ERBB2: variants seen among roughly 807,000 people sequenced by gnomAD.
ERBB2 encodes the protein erb-b2 receptor tyrosine kinase 2, also known as receptor tyrosine-protein kinase erbB-2.
A neutral mutation model predicts 149.0 loss-of-function variants in ERBB2; 61 were observed. That is an observed-to-expected ratio of 0.41 (90% CI 0.33 to 0.51). ERBB2 has a LOEUF of 0.51. Among genes scored for constraint, ERBB2 ranks in the 20% least tolerant of loss-of-function variants. ERBB2 has a pLI of 0.25. For missense variants in ERBB2, 1,205 were observed against 1,655.1 expected (o/e 0.73, Z 4.72); for synonymous variants, 633 against 678.8 (o/e 0.93, Z 1.05).
chr17:39,705,514 C>T (rs2058373278), intron 1 of ERBB2, among the ~76,000 whole-genome samples: 1 of 152,148 alleles, frequency 6.6e-6, no homozygotes, highest in Admixed American at 6.5e-5. Flanking sequence ...AGTGGGGAGG[C>T]CTCCCTCAGG....
At chr17:39,716,795 A>G (rs1398924357) in intron 14 of ERBB2, among the ~76,000 whole-genome samples, 190 bp downstream of exon 14, 2 of 152,108 alleles carry the variant, frequency 1.3e-5, no homozygotes, top group African/African-American at 4.8e-5. Context: ...GGCCCTTCAG[A>G]CTATGAAAAG....
chr17:39,695,336 G>T (rs1321947140), upstream of ERBB2, among the ~76,000 whole-genome samples: 2 of 152,172 alleles, frequency 1.3e-5, no homozygotes, highest in Non-Finnish European at 2.9e-5. Flanking sequence ...CCCCTTTGCT[G>T]TCCTGGAGAC....
At chr17:39,717,837 G>A (rs1326471856) in intron 15 of ERBB2, among the ~76,000 whole-genome samples, 5 of 149,410 alleles carry the variant, frequency 3.3e-5, no homozygotes, top group African/African-American at 1.0e-4. Flanking sequence ...ATTTTTAGAC[G>A]GAGTTTCACT....
chr17:39,723,865 G>A lies in ERBB2; in HGVS notation c.2209-47G>A, dbSNP rs376191799. On this transcript the variant is annotated intron_variant, in intron 18 of 26. Transcript: ENST00000269571. This position sits in a 1 kb window ranked among gnomAD's most constrained non-coding sequence, Gnocchi z 6.2. Reference sequence around the variant, plus strand: ...TAATGATCTCCTGGAAGGCAGGTAGGATCCAGCCCACGCTCTTCTCACTCA... The same window carrying A: ...TAATGATCTCCTGGAAGGCAGGTAGAATCCAGCCCACGCTCTTCTCACTCA... The A allele has an allele frequency of 1.4e-4, 219 of 1,549,656 alleles. 1 individual carries two copies. The highest frequency in any genetic ancestry group is 1.9e-4 in the Non-Finnish European group (212 of 1,122,632).
At chr17:39,709,741 T>A (rs1567899596) in intron 4 of ERBB2, 72 bp from the exon 5 acceptor site, 1 of 1,441,580 alleles carries the variant, frequency 6.9e-7, no homozygotes, top group Non-Finnish European at 9.7e-7. Context: ...TGTTTGTGCC[T>A]CTCTCTGTTA....
chr17:39,717,652 C>G (rs746198779), intron 15 of ERBB2, 172 bp downstream of exon 15: 1 of 561,640 alleles, frequency 1.8e-6, no homozygotes, highest in Non-Finnish European at 3.0e-6. Flanking sequence ...AATTAATGCC[C>G]TAGCAGTTCT....
upstream of ERBB2, among the ~76,000 whole-genome samples, chr17:39,697,349 G>GTTTTTTTTTTTT (rs1452125824): frequency 6.0e-5 from 8 of 132,322 alleles, no homozygotes; most frequent in East Asian, 4.3e-4. Context: ...TTGTTTTTTT[G>GTTTTTTTTTTTT]TTTTGTTTTT....
chr17:39,690,960 C>T (rs1327252240), upstream of ERBB2, among the ~76,000 whole-genome samples: 1 of 151,214 alleles, frequency 6.6e-6, no homozygotes, highest in East Asian at 2.0e-4. Context: ...TCGAGACCAG[C>T]CTGACCTAAC....
At chr17:39,690,041 T>G (rs1032399905), upstream of ERBB2, among the ~76,000 whole-genome samples, 6 of 152,190 alleles carry the variant, frequency 3.9e-5, no homozygotes, top group African/African-American at 1.4e-4. Flanking sequence ...TCAATCTAAT[T>G]GCTGTTAATA....
chr17:39,717,616 A>C, intron 15 of ERBB2, 136 bp downstream of exon 15: 1 of 679,582 alleles, frequency 1.5e-6, no homozygotes. Flanking sequence ...CATTGTTAAA[A>C]TTGTAAAATT....
At chr17:39,691,553 A>AT (rs2057696992), upstream of ERBB2, among the ~76,000 whole-genome samples, 1 of 123,218 alleles carries the variant, frequency 8.1e-6, no homozygotes, top group Non-Finnish European at 1.6e-5. Context: ...CATTAAAAAA[A>AT]AAAATATATA....
upstream of ERBB2, among the ~76,000 whole-genome samples, chr17:39,691,934 C>CATGTACATAT (rs2057718951): frequency 8.3e-6 from 1 of 120,884 alleles, no homozygotes; most frequent in African/African-American, 3.6e-5. Flanking sequence ...TATACATATA[C>CATGTACATAT]ATATATATAT....
chr17:39,692,238 T>C (rs1045941337), upstream of ERBB2, among the ~76,000 whole-genome samples: 2 of 152,104 alleles, frequency 1.3e-5, no homozygotes, highest in African/African-American at 2.4e-5. Flanking sequence ...TATACACTTA[T>C]ATACAGTACC....
rs71149796 is a variant in ERBB2, at chr17:39,724,272, A to ATTT, written c.2307+276_2307+278dup. Among the ~76,000 whole-genome samples the ATTT allele has an allele frequency of 1.4e-3, 106 of 77,010 alleles. 23 individuals are homozygous for ATTT. The highest frequency in any genetic ancestry group is 2.1e-3 in the Non-Finnish European group (77 of 37,232). The allele number at this position is 77,010 out of a possible 152,430, so 50.5% of individuals were successfully genotyped here. On this transcript the variant is annotated intron_variant, in intron 19 of 26. Coordinates refer to ENST00000269571, the MANE Select transcript of ERBB2 (RefSeq NM_004448.4). ...TAGCTGGGATTACAAGCGCCCGCTAATTTTTTTTTTTTTTTTGAGACAGAG... is the reference window on the plus strand; with the variant it reads ...TAGCTGGGATTACAAGCGCCCGCTAATTTTTTTTTTTTTTTTTTTGAGACAGAG...
upstream of ERBB2, among the ~76,000 whole-genome samples, chr17:39,690,634 T>C (rs2057674158): frequency 6.6e-6 from 1 of 152,184 alleles, no homozygotes; most frequent in African/African-American, 2.4e-5. Flanking sequence ...TAACAATCTC[T>C]AGATGGCGAT....
chr17:39,726,954 C>T lies in ERBB2; in HGVS notation c.3110C>T (p.Pro1037Leu), dbSNP rs201905649. ...QQGFFCPDPA[P>L]GAGGMVHHRH... The stretch of plus-strand genomic sequence containing the variant: ...GGCTTCTTCTGTCCAGACCCTGCCC[C>T]GGGCGCTGGGGGCATGGTCCACCAC... Residue 1037 changes from proline to leucine, a missense_variant, in exon 25 of 27, where the codon CCG becomes CTG. By Grantham distance (98) the Pro-to-Leu change is moderately conservative. Around this residue, in one of 6 missense-constraint regions of ERBB2, gnomAD observed 312 missense variants for 343.8 expected, o/e 0.91. Transcript: ENST00000269571. The surrounding 1 kb of genome is among the most constrained non-coding windows in gnomAD (Gnocchi z 5.1). 74 of 1,612,154 alleles carry T rather than the reference C, an allele frequency of 4.6e-5. 1 individual carries two copies. The Admixed American group carries it at 5.3e-4, about 12-fold the overall frequency.
rs2059771255 is a variant in ERBB2 at position 39,726,495 on chromosome 17, G to A, written c.2873-67G>A. The A allele has an allele frequency of 1.5e-6, 2 of 1,336,734 alleles. No individual in the cohort carries two copies. The highest frequency in any genetic ancestry group is 1.8e-4 in the Middle Eastern group (1 of 5,516). The allele number at this position is 1,336,734 out of a possible 1,614,324, so 82.8% of individuals were successfully genotyped here. On this transcript the variant is annotated intron_variant, in intron 23 of 26. Transcript: ENST00000269571. The surrounding 1 kb of genome is among the most constrained non-coding windows in gnomAD (Gnocchi z 5.1). ...CTGTCTAGACCAGACTGGAGGGGGA[G>A]TGGGAGGGGAGAGGCAGCAAGCACA... is the stretch of plus-strand genomic sequence containing the variant.
rs2145559919 is a variant in ERBB2, at chr17:39,711,971, C to T, written c.945C>T (p.Cys315=). The T allele has an allele frequency of 1.9e-6, 3 of 1,614,078 alleles. No homozygotes were observed. The highest frequency in any genetic ancestry group is 2.2e-5 in the East Asian group (1 of 44,890). ...STDVGSCTLV[C]PLHNQEVTAE... is the part of the protein sequence containing the mutation. ...ACGTGGGATCCTGCACCCTCGTCTG[C>T]CCCCTGCACAACCAAGAGGTGACAG... The change falls in exon 8 of 27, where the codon TGC becomes TGT. Residue 315 remains cysteine, a synonymous_variant. Transcript: ENST00000269571.
At chr17:39,708,163 T>C (rs1474769223) in intron 2 of ERBB2, 158 bp from the exon 3 acceptor site, 3 of 586,784 alleles carry the variant, frequency 5.1e-6, no homozygotes, top group Non-Finnish European at 9.0e-6. Flanking sequence ...AGGTAGGGCG[T>C]GATCTTTATC....
Sources: allele counts gnomAD v4.1 joint callset (sites outside exome capture counted in the v4.1 genomes callset), GRCh38; gene constraint gnomAD v4.1.1; regional missense constraint gnomAD v4.1.1; non-coding constraint Gnocchi (gnomAD v3.1); transcripts MANE v1.5; gene names NCBI Gene and HGNC (gene_info 2026-07-23, HGNC 2026-07-21).